The following HIPK3 variants were observed in gnomAD, a reference collection of about 807,000 sequenced individuals.
HIPK3 encodes homeodomain-interacting protein kinase 3.
HIPK3 carries 47 observed loss-of-function variants against 124.2 expected under a neutral mutation model. That is an observed-to-expected ratio of 0.38 (90% CI 0.30 to 0.48). HIPK3 has a LOEUF of 0.48. Among genes scored for constraint, HIPK3 ranks in the 20% least tolerant of loss-of-function variants. The pLI is 0.98. For synonymous variants in HIPK3, 482 were observed against 515.2 expected (o/e 0.94, Z 0.87); for missense variants, 1,286 against 1,454.3 (o/e 0.88, Z 1.88).
chr11:33,272,359 A>G (rs1338624510), intron 1 of HIPK3, among the ~76,000 whole-genome samples: 3 of 151,948 alleles, frequency 2.0e-5, no homozygotes, highest in African/African-American at 7.3e-5. Context: ...AGATCGCGCC[A>G]CTACACTCTA....
At chr11:33,341,235 G>A (rs980399846) in intron 7 of HIPK3, 108 bp downstream of exon 7, 25 of 738,522 alleles carry the variant, frequency 3.4e-5, no homozygotes, top group Non-Finnish European at 5.1e-5. Context: ...GTACAGTGCT[G>A]TGAGGTCTTA....
chr11:33,332,533 A>G (rs1250911505), intron 3 of HIPK3, among the ~76,000 whole-genome samples: 1 of 152,246 alleles, frequency 6.6e-6, no homozygotes, highest in Non-Finnish European at 1.5e-5. Flanking sequence ...GTAAATGTTC[A>G]TTATTTCTCC....
intron 2 of HIPK3, among the ~76,000 whole-genome samples, chr11:33,299,527 A>G (rs1259004390): frequency 6.6e-6 from 1 of 152,026 alleles, no homozygotes; most frequent in African/African-American, 2.4e-5. Context: ...GCTGGTGGAG[A>G]TGCTGTGAAC....
At chr11:33,310,281 T>TTATCTATCTATC (rs61094230) in intron 2 of HIPK3, among the ~76,000 whole-genome samples, 1,648 of 121,080 alleles carry the variant, frequency 0.014, 25 homozygotes, top group African/African-American at 0.033. Flanking sequence ...TCTGTCTATC[T>TTATCTATCTATC]TATCTATCTA....
chr11:33,267,356 G>T (rs1590338650), intron 1 of HIPK3, among the ~76,000 whole-genome samples: 1 of 151,874 alleles, frequency 6.6e-6, no homozygotes, highest in Admixed American at 6.6e-5. Context: ...CAGGTGATCC[G>T]CCCACCTTTG....
chr11:33,348,658 T>A lies in HIPK3; in HGVS notation c.2506T>A (p.Cys836Ser). ...NQNSEGEARN[C>S]CETSIRQDSD... is the part of the protein sequence containing the mutation. ...GAACTCAGAAGGAGAGGCAAGAAAT[T>A]GCTGTGAAACATCTATCAGACAGGA... The change falls in exon 13 of 17, where the codon TGC becomes AGC. Residue 836 changes from cysteine (C) to serine (S), a missense_variant. By Grantham distance (112) the Cys-to-Ser change is moderately radical (BLOSUM62 -1). This residue lies in a region of HIPK3 where 810 missense variants were observed against 864.9 expected (regional missense o/e 0.94). Coordinates refer to ENST00000303296, the MANE Select transcript of HIPK3 (RefSeq NM_005734.5). 1.2e-6 allele frequency: 2 copies of A among 1,614,142 alleles called. No homozygotes were observed.
At chr11:33,314,423 C>T (rs1045236738) in intron 2 of HIPK3, among the ~76,000 whole-genome samples, 4 of 152,032 alleles carry the variant, frequency 2.6e-5, no homozygotes, top group Admixed American at 6.6e-5. Flanking sequence ...GAGGCCTAGG[C>T]GGGTGGATCA....
At chr11:33,303,031 C>T (rs1263999889) in intron 2 of HIPK3, among the ~76,000 whole-genome samples, 6 of 152,110 alleles carry the variant, frequency 3.9e-5, no homozygotes, top group Admixed American at 3.9e-4. Context: ...CCATGCAAAC[C>T]AGTCTGATCT....
intron 8 of HIPK3, among the ~76,000 whole-genome samples, chr11:33,345,344 T>A (rs985810759): frequency 6.6e-6 from 1 of 152,150 alleles, no homozygotes; most frequent in African/African-American, 2.4e-5. Flanking sequence ...TATACTAAAA[T>A]AATATTCATA....
At chr11:33,277,580 CTTTTCTGACAATTAGATTATTCTGAAAT>C (rs1379778669) in intron 1 of HIPK3, among the ~76,000 whole-genome samples, 1 of 152,156 alleles carries the variant, frequency 6.6e-6, no homozygotes, top group Non-Finnish European at 1.5e-5. Context: ...ATATCCAGTC[CTTTTCTGACAATTAGATTATTCTGAAAT>C]TTTGATACTA....
chr11:33,264,198 A>C (rs775807181), intron 1 of HIPK3, among the ~76,000 whole-genome samples: 3 of 151,872 alleles, frequency 2.0e-5, no homozygotes, highest in Non-Finnish European at 2.9e-5. Context: ...CTTAAAGTGG[A>C]TATTTAGAGA....
rs1853818186 is a variant in HIPK3, at chr11:33,356,422, AAC to A, written c.*2857_*2858del. The A allele has an allele frequency of 6.6e-6, 1 of 152,050 alleles. No individual in the cohort carries two copies. Among genetic ancestry groups the A allele is most frequent in the African/African-American group, 2.4e-5 (1 of 41,434 alleles). The allele number at this position is 152,050 out of a possible 1,614,324, so 9.4% of individuals were successfully genotyped here. On this transcript the variant is annotated 3_prime_UTR_variant, in exon 17 of 17. Transcript: ENST00000303296. ...TCGGTTTTAATGCTTTCTTAAATAA[AAC>A]ACTGCATGATTTCCAAGTTGCATAT...
intron 2 of HIPK3, among the ~76,000 whole-genome samples, chr11:33,296,264 G>A (rs190570782): frequency 1.2e-4 from 18 of 152,224 alleles, no homozygotes; most frequent in Admixed American, 6.5e-5. Context: ...TTACTTTCTG[G>A]CACCACAGAT....
chr11:33,259,314 C>T (rs750780530), intron 1 of HIPK3, among the ~76,000 whole-genome samples: 1 of 152,126 alleles, frequency 6.6e-6, no homozygotes, highest in Non-Finnish European at 1.5e-5. Context: ...TTTAATTTTT[C>T]AGAAGCTGGT....
chr11:33,289,415 A>T (rs1851640643), intron 2 of HIPK3, among the ~76,000 whole-genome samples: 1 of 152,198 alleles, frequency 6.6e-6, no homozygotes. Context: ...ACTGCACTCC[A>T]GCCTGAGTGA....
At chr11:33,337,035 T>C (rs1357685633) in intron 3 of HIPK3, 40 bp from the exon 4 acceptor site, 13 of 1,487,782 alleles carry the variant, frequency 8.7e-6, no homozygotes, top group Non-Finnish European at 1.2e-5. Flanking sequence ...TTCTGTCACA[T>C]GAAAGAATAA....
chr11:33,274,406 C>T (rs1344553599), intron 1 of HIPK3, among the ~76,000 whole-genome samples: 1 of 152,108 alleles, frequency 6.6e-6, no homozygotes, highest in Non-Finnish European at 1.5e-5. Flanking sequence ...GAAAGCAATA[C>T]ATTTGGCTTT....
intron 1 of HIPK3, among the ~76,000 whole-genome samples, chr11:33,279,005 T>C (rs1337257578): frequency 6.6e-6 from 1 of 152,158 alleles, no homozygotes; most frequent in East Asian, 1.9e-4. Context: ...TTATTTGTGA[T>C]ATCAAAGTAC....
Position 33,351,700 on chromosome 11 carries a change from G to C in HIPK3, c.2900G>C (p.Ser967Thr). The change falls in exon 15 of 17, where the codon AGC becomes ACC. Residue 967 changes from serine to threonine, a missense_variant. By Grantham distance (58) the Ser-to-Thr change is moderately conservative (BLOSUM62 1). Coordinates refer to ENST00000303296, the MANE Select transcript of HIPK3 (RefSeq NM_005734.5). ...GGGCATGACAGTCCATTTGCAGAGA[G>C]CACTTTTGTGGAGGACACTCATGAA... is the stretch of plus-strand genomic sequence containing the variant. ...SSGHDSPFAESTFVEDTHENT... is the reference protein window; with the variant it reads ...SSGHDSPFAETTFVEDTHENT... The C allele has an allele frequency of 1.2e-6, 2 of 1,614,178 alleles. No individual in the cohort carries two copies. The highest frequency in any genetic ancestry group is 8.5e-7 in the Non-Finnish European group (1 of 1,180,020).
Sources: allele counts gnomAD v4.1 joint callset (sites outside exome capture counted in the v4.1 genomes callset), GRCh38; gene constraint gnomAD v4.1.1; regional missense constraint gnomAD v4.1.1; transcripts MANE v1.5; gene names NCBI Gene and HGNC (gene_info 2026-07-23, HGNC 2026-07-21).